CCDC148: variants seen among roughly 807,000 people sequenced by gnomAD.
CCDC148 encodes the protein coiled-coil domain containing 148.
A neutral mutation model predicts 85.7 loss-of-function variants in CCDC148; 89 were observed. That is an observed-to-expected ratio of 1.04 (90% CI 0.87 to 1.24). The LOEUF (loss-of-function observed/expected upper bound fraction) is 1.24. Ranked by LOEUF, CCDC148 falls within the 50% of genes most tolerant of loss-of-function variation. CCDC148 has a pLI of 0.00. For missense variants in CCDC148, 692 were observed against 671.7 expected (o/e 1.03, Z -0.33); for synonymous variants, 230 against 213.9 (o/e 1.08, Z -0.66).
intron 1 of CCDC148, among the ~76,000 whole-genome samples, chr2:158,438,641 A>T (rs1014568655): frequency 6.6e-6 from 1 of 152,172 alleles, no homozygotes; most frequent in African/African-American, 2.4e-5. Flanking sequence ...TAATTAAACT[A>T]AAGAGCTTCT....
chr2:158,246,099 T>C (rs975999202), intron 10 of CCDC148, among the ~76,000 whole-genome samples: 1 of 152,144 alleles, frequency 6.6e-6, no homozygotes, highest in African/African-American at 2.4e-5. Flanking sequence ...AGGAGGAAGA[T>C]TACCTCTTGT....
intron 9 of CCDC148, among the ~76,000 whole-genome samples, chr2:158,290,164 G>A (rs1198945499): frequency 6.6e-6 from 1 of 152,192 alleles, no homozygotes; most frequent in Non-Finnish European, 1.5e-5. Context: ...AGAGGGAGCT[G>A]AAGGATGGCA....
chr2:158,360,728 C>G (rs147657736), intron 1 of CCDC148, among the ~76,000 whole-genome samples: 29 of 152,188 alleles, frequency 1.9e-4, no homozygotes, highest in African/African-American at 6.7e-4. Context: ...GAAGCCAGTG[C>G]AAAAAGGCGG....
chr2:158,387,130 T>G (rs1685118031), intron 1 of CCDC148, among the ~76,000 whole-genome samples: 1 of 152,144 alleles, frequency 6.6e-6, no homozygotes, highest in Non-Finnish European at 1.5e-5. Flanking sequence ...CGTCACAGTC[T>G]AGATCAAATA....
intron 10 of CCDC148, among the ~76,000 whole-genome samples, chr2:158,250,006 T>G (rs1194241720): frequency 1.3e-5 from 2 of 152,150 alleles, no homozygotes; most frequent in Non-Finnish European, 2.9e-5. Context: ...TTTTTGTGAA[T>G]TATTTCTACA....
chr2:158,384,937 C>T (rs985767738), intron 1 of CCDC148, among the ~76,000 whole-genome samples: 1 of 152,146 alleles, frequency 6.6e-6, no homozygotes, highest in Admixed American at 6.6e-5. Context: ...TTTTCCAGAA[C>T]CTTAAGGGAA....
At chr2:158,251,962 A>G (rs577745690) in intron 9 of CCDC148, among the ~76,000 whole-genome samples, 1 of 151,862 alleles carries the variant, frequency 6.6e-6, no homozygotes, top group South Asian at 2.1e-4. Flanking sequence ...ATAAGTATTT[A>G]TTATCCTTGT....
rs936085777 is a variant in CCDC148 at position 158,342,345 on chromosome 2, T to C, written c.252-1665A>G. ...TTTACATGGGACAAGGTTTTGGTTT[T>C]TGTTTAAATGTATAAAGGAGGGGTG... On this transcript the variant is annotated intron_variant, in intron 3 of 13. Transcript: ENST00000283233. Among the ~76,000 whole-genome samples the C allele has an allele frequency of 4.5e-4, 69 of 152,142 alleles. 1 individual carries two copies. The highest frequency in any genetic ancestry group is 2.1e-3 in the Admixed American group (32 of 15,264).
intron 7 of CCDC148, among the ~76,000 whole-genome samples, chr2:158,320,133 G>A (rs900740389): frequency 6.6e-5 from 10 of 152,014 alleles, no homozygotes; most frequent in African/African-American, 2.2e-4. Context: ...AATAAAATTG[G>A]CCTACTTCTT....
At chr2:158,351,849 G>A (rs1458573668) in intron 2 of CCDC148, among the ~76,000 whole-genome samples, 1 of 150,788 alleles carries the variant, frequency 6.6e-6, no homozygotes, top group African/African-American at 2.5e-5. Flanking sequence ...GAAGAGAGCA[G>A]TGGTTCTCCC....
intron 1 of CCDC148, among the ~76,000 whole-genome samples, chr2:158,442,600 T>G (rs1298642216): frequency 1.3e-5 from 2 of 152,188 alleles, no homozygotes; most frequent in Admixed American, 1.3e-4. Context: ...CCCAGGATGA[T>G]AGCAGGAAAA....
chr2:158,173,098 A>C (rs1168817930), intron 13 of CCDC148, among the ~76,000 whole-genome samples: 1 of 152,058 alleles, frequency 6.6e-6, no homozygotes, highest in East Asian at 1.9e-4. Flanking sequence ...AAAGTAGTAA[A>C]ACATGGGGGT....
intron 1 of CCDC148, among the ~76,000 whole-genome samples, chr2:158,383,527 T>C (rs1259526751): frequency 2.0e-5 from 3 of 152,156 alleles, no homozygotes; most frequent in East Asian, 3.9e-4. Context: ...TATTGTCTTC[T>C]TTGTGTTCCA....
chr2:158,351,981 G>C (rs554063031), intron 2 of CCDC148, among the ~76,000 whole-genome samples: 7 of 142,594 alleles, frequency 4.9e-5, no homozygotes, highest in African/African-American at 1.7e-4. Flanking sequence ...CACCTCACAC[G>C]GCAGGGTATT....
intron 9 of CCDC148, among the ~76,000 whole-genome samples, chr2:158,283,756 C>T (rs1469894238): frequency 6.6e-6 from 1 of 151,848 alleles, no homozygotes; most frequent in Non-Finnish European, 1.5e-5. Flanking sequence ...TACCATTTGA[C>T]CCAGCCATCC....
chr2:158,272,489 C>T (rs983270621), intron 9 of CCDC148, among the ~76,000 whole-genome samples: 5 of 152,112 alleles, frequency 3.3e-5, no homozygotes, highest in Non-Finnish European at 7.4e-5. Context: ...TTATCTTTGA[C>T]ATAGATGAGA....
intron 11 of CCDC148, among the ~76,000 whole-genome samples, chr2:158,205,811 C>T (rs557776051): frequency 1.4e-4 from 22 of 152,248 alleles, no homozygotes; most frequent in Admixed American, 1.2e-3. Context: ...GGCCATGATG[C>T]AGATGGCAAT....
chr2:158,437,525 T>C (rs139717320), intron 1 of CCDC148, among the ~76,000 whole-genome samples: 2 of 152,098 alleles, frequency 1.3e-5, no homozygotes, highest in Non-Finnish European at 2.9e-5. Flanking sequence ...AATATCATAC[T>C]GAATGGGCAA....
intron 9 of CCDC148, among the ~76,000 whole-genome samples, chr2:158,281,318 A>G (rs941578991): frequency 1.3e-5 from 2 of 152,178 alleles, no homozygotes; most frequent in Non-Finnish European, 2.9e-5. Flanking sequence ...AAAACCCTTC[A>G]AAAAATTAAT....
Sources: gnomAD v4.1 joint callset for allele counts (sites outside exome capture counted in the v4.1 genomes callset) on GRCh38, gnomAD v4.1.1 for gene constraint, MANE v1.5 for transcripts, NCBI Gene and HGNC (gene_info 2026-07-23, HGNC 2026-07-21) for gene names.